Variants in TAS2R1 observed in about 807,000 individuals in gnomAD.
TAS2R1 encodes taste receptor type 2 member 1.
For synonymous variants in TAS2R1, 141 were observed against 134.2 expected, an observed-to-expected ratio of 1.05 and a Z score of -0.35; for missense variants, 370 against 353.4, an observed-to-expected ratio of 1.05 and a Z score of -0.38.
chr5:9,794,096 T>C, the TAS2R1 span, among the ~76,000 whole-genome samples: 1 of 152,174 alleles, frequency 6.6e-6, no homozygotes, highest in African/African-American at 2.4e-5. Context: ...TAAAATCTTG[T>C]AACCAGGATT....
At chr5:9,810,857 C>T in the TAS2R1 span, among the ~76,000 whole-genome samples, 1 of 152,140 alleles carries the variant, frequency 6.6e-6, no homozygotes, top group Non-Finnish European at 1.5e-5. Flanking sequence ...GCACTATTTT[C>T]ACATGAATGT....
At chr5:9,669,987 G>T (rs538223874) in intron 1 of TAS2R1, among the ~76,000 whole-genome samples, 1 of 151,962 alleles carries the variant, frequency 6.6e-6, no homozygotes, top group Non-Finnish European at 1.5e-5. Flanking sequence ...GAAAGAATAA[G>T]TAAGATTGTT....
chr5:9,709,477 C>T (rs1295568712), intron 1 of TAS2R1, among the ~76,000 whole-genome samples: 1 of 152,184 alleles, frequency 6.6e-6, no homozygotes. Flanking sequence ...ACTCCTGCCT[C>T]CTTGCATTTA....
At chr5:9,719,541 T>C in the TAS2R1 span, among the ~76,000 whole-genome samples, 120 of 152,304 alleles carry the variant, frequency 7.9e-4, 1 homozygote, top group Admixed American at 1.8e-3. Context: ...AGTGCTTCCT[T>C]AAATGGGACA....
At chr5:9,696,287 C>A (rs552853441) in intron 1 of TAS2R1, among the ~76,000 whole-genome samples, 1 of 152,054 alleles carries the variant, frequency 6.6e-6, no homozygotes, top group Non-Finnish European at 1.5e-5. Flanking sequence ...AGATCTGATG[C>A]GGTAGCTCAC....
At chr5:9,789,384 G>A in the TAS2R1 span, among the ~76,000 whole-genome samples, 1 of 152,318 alleles carries the variant, frequency 6.6e-6, no homozygotes, top group South Asian at 2.1e-4. Context: ...GACGTGCGCA[G>A]ATCCTTCGAC....
the TAS2R1 span, among the ~76,000 whole-genome samples, chr5:9,808,823 C>T: frequency 2.0e-5 from 3 of 152,158 alleles, no homozygotes; most frequent in Non-Finnish European, 2.9e-5. Flanking sequence ...ATGGGGCTAA[C>T]TCTCTCATTT....
the TAS2R1 span, among the ~76,000 whole-genome samples, chr5:9,894,427 T>C: frequency 1.2e-5 from 1 of 81,164 alleles, no homozygotes; most frequent in Non-Finnish European, 2.8e-5. Context: ...AAGAGGAAAT[T>C]TGGACACACA....
At chr5:9,858,320 G>T in the TAS2R1 span, among the ~76,000 whole-genome samples, 1 of 152,144 alleles carries the variant, frequency 6.6e-6, no homozygotes, top group African/African-American at 2.4e-5. Context: ...GGGTTTTACT[G>T]TGGCAGGCCC....
chr5:9,753,715 A>G, the TAS2R1 span, among the ~76,000 whole-genome samples: 1 of 152,250 alleles, frequency 6.6e-6, no homozygotes, highest in African/African-American at 2.4e-5. Flanking sequence ...ATCTTGAATT[A>G]ATTTTTGTAT....
At chr5:9,736,448 G>A in the TAS2R1 span, among the ~76,000 whole-genome samples, 4 of 152,210 alleles carry the variant, frequency 2.6e-5, no homozygotes, top group African/African-American at 9.7e-5. Flanking sequence ...CTTAGGCTGA[G>A]AGTAGGTGGA....
the TAS2R1 span, chr5:9,760,936 C>T: frequency 1.3e-5 from 2 of 152,176 alleles, no homozygotes; most frequent in South Asian, 2.1e-4. Context: ...TGAACGCACC[C>T]GAGCTCGTCG....
the TAS2R1 span, among the ~76,000 whole-genome samples, chr5:9,725,826 T>TCCAGTGCGGGATCC: frequency 1.3e-5 from 2 of 152,146 alleles, no homozygotes; most frequent in African/African-American, 4.8e-5. Flanking sequence ...CCTTTATGTC[T>TCCAGTGCGGGATCC]AGTTAAGGGA....
the TAS2R1 span, among the ~76,000 whole-genome samples, chr5:9,738,311 A>G: frequency 6.6e-6 from 1 of 152,152 alleles, no homozygotes; most frequent in Non-Finnish European, 1.5e-5. Context: ...ATGACAGACC[A>G]TCTCTGTGTG....
chr5:9,842,312 CTCTCTTTTTTT>C, the TAS2R1 span, among the ~76,000 whole-genome samples: 1 of 120,398 alleles, frequency 8.3e-6, no homozygotes, highest in Middle Eastern at 4.5e-3. Flanking sequence ...GTCTTTCTTT[CTCTCTTTTTTT>C]TTTTTTTTTT....
the TAS2R1 span, among the ~76,000 whole-genome samples, chr5:9,843,161 T>G: frequency 6.6e-6 from 1 of 152,202 alleles, no homozygotes; most frequent in Non-Finnish European, 1.5e-5. Flanking sequence ...CACAGAATGT[T>G]GGCTCACCTC....
Position 9,686,349 on chromosome 5 carries a change from G to A in TAS2R1, c.-242+25823C>T, listed in dbSNP as rs1010924245. ...CCTAAACAAAATTATTATCACTGAG[G>A]AAGAAAGAAAATATTGGTCTAGCAA... On this transcript the variant is annotated intron_variant, in intron 1 of 2. Transcript: ENST00000506620. 3.3e-5 allele frequency among the ~76,000 whole-genome samples: 5 copies of A among 149,926 alleles called. No individual in the cohort carries two copies. In the Admixed American group the frequency reaches 3.5e-4, roughly 10 times the overall value.
chr5:9,643,604 T>C (rs957867658), intron 2 of TAS2R1, among the ~76,000 whole-genome samples: 10 of 152,164 alleles, frequency 6.6e-5, no homozygotes. Context: ...ATAAAGTAAT[T>C]GTGCTAGGAC....
chr5:9,695,800 G>C (rs1741345082), intron 1 of TAS2R1, among the ~76,000 whole-genome samples: 1 of 152,160 alleles, frequency 6.6e-6, no homozygotes, highest in African/African-American at 2.4e-5. Flanking sequence ...ACTCTGAATG[G>C]AGCCTGAGAG....
Sources: gnomAD v4.1 joint callset for allele counts (sites outside exome capture counted in the v4.1 genomes callset) on GRCh38, gnomAD v4.1.1 for gene constraint, MANE v1.5 for transcripts, NCBI Gene and HGNC (gene_info 2026-07-23, HGNC 2026-07-21) for gene names.